Variants in EYS observed in about 807,000 individuals in gnomAD.
EYS encodes the protein EGF-like photoreceptor maintenance factor.
EYS carries 250 observed loss-of-function variants against 282.1 expected under a neutral mutation model. That is an observed-to-expected ratio of 0.89 (90% CI 0.80 to 0.98). The LOEUF is 0.98. EYS is among the 50% of genes least tolerant of loss of function. The pLI is 0.00. For synonymous variants in EYS, 1,355 were observed against 1,282.9 expected (o/e 1.06, Z -1.20); for missense variants, 4,016 against 3,709.0 (o/e 1.08, Z -2.15).
chr6:64,099,576 T>C (rs1014070426), intron 31 of EYS, among the ~76,000 whole-genome samples: 1 of 152,212 alleles, frequency 6.6e-6, no homozygotes, highest in African/African-American at 2.4e-5. Flanking sequence ...GTTGATGATA[T>C]CTTGTTGACA....
At chr6:65,375,716 G>A (rs759314395) in intron 8 of EYS, among the ~76,000 whole-genome samples, 3 of 151,998 alleles carry the variant, frequency 2.0e-5, no homozygotes, top group Non-Finnish European at 2.9e-5. Flanking sequence ...CACAGCATGA[G>A]AACTTTGTGA....
intron 30 of EYS, among the ~76,000 whole-genome samples, chr6:64,272,222 C>T (rs1767965949): frequency 1.3e-5 from 2 of 152,108 alleles, no homozygotes; most frequent in Non-Finnish European, 2.9e-5. Context: ...GGTCTTGACT[C>T]TATACAATTT....
chr6:64,518,638 A>T (rs1036059211), intron 26 of EYS, among the ~76,000 whole-genome samples: 1 of 151,552 alleles, frequency 6.6e-6, no homozygotes, highest in Non-Finnish European at 1.5e-5. Context: ...TCCCCACCGA[A>T]ATCTCATCTT....
chr6:63,974,071 C>T (rs1191247849), intron 35 of EYS, among the ~76,000 whole-genome samples: 1 of 151,994 alleles, frequency 6.6e-6, no homozygotes, highest in Admixed American at 6.6e-5. Context: ...ATTGTAAACC[C>T]AAAGCCAAAG....
chr6:64,756,324 G>A (rs75699340), intron 22 of EYS, among the ~76,000 whole-genome samples: 2,800 of 152,210 alleles, frequency 0.018, 80 homozygotes, highest in African/African-American at 0.061. Context: ...TCCATTTAAT[G>A]TAAGTTTGTA....
intron 22 of EYS, among the ~76,000 whole-genome samples, chr6:64,677,558 G>T (rs1309117811): frequency 6.6e-6 from 1 of 152,050 alleles, no homozygotes; most frequent in Admixed American, 6.6e-5. Context: ...AAATTTGACT[G>T]ATGATTTAAG....
intron 8 of EYS, among the ~76,000 whole-genome samples, chr6:65,356,652 A>C (rs1764497514): frequency 6.6e-6 from 1 of 152,074 alleles, no homozygotes. Context: ...GACACTATGA[A>C]GATATTATAA....
At chr6:64,370,241 T>C (rs1772318242) in intron 29 of EYS, among the ~76,000 whole-genome samples, 3 of 152,170 alleles carry the variant, frequency 2.0e-5, no homozygotes, top group African/African-American at 7.2e-5. Context: ...TGAAGGGATG[T>C]GGATTTTATT....
intron 29 of EYS, 76 bp downstream of exon 29, chr6:64,388,612 TTC>T: frequency 7.6e-7 from 1 of 1,319,810 alleles, no homozygotes; most frequent in Non-Finnish European, 1.0e-6. Flanking sequence ...TCTAAAGTTT[TTC>T]TTTTTCATTT....
intron 13 of EYS, among the ~76,000 whole-genome samples, chr6:65,051,882 T>G (rs1049926564): frequency 1.3e-5 from 2 of 151,390 alleles, no homozygotes; most frequent in Non-Finnish European, 3.0e-5. Flanking sequence ...ATAGGCAATA[T>G]TAATATTAAT....
Position 64,360,455 on chromosome 6 carries a change from T to C in EYS, c.6078+28235A>G, listed in dbSNP as rs146936128. Among the ~76,000 whole-genome samples the C allele has an allele frequency of 3.9e-3, 592 of 151,850 alleles. 4 individuals are homozygous for C. Among genetic ancestry groups the C allele is most frequent in the African/African-American group, 0.013 (558 of 41,514 alleles). ...GTGCCGCTATGTCATTATCATGACC[T>C]ACCTCTTGGGCTAGACCTTCTTGGT... On this transcript the variant is annotated intron_variant, in intron 29 of 42. Transcript: ENST00000503581.
chr6:64,537,869 G>T (rs1328625352), intron 26 of EYS, among the ~76,000 whole-genome samples: 3 of 152,186 alleles, frequency 2.0e-5, no homozygotes, highest in African/African-American at 7.2e-5. Flanking sequence ...TCAAATAGGA[G>T]TTTAGCTAAC....
intron 21 of EYS, among the ~76,000 whole-genome samples, chr6:64,814,945 T>C (rs1387288932): frequency 6.6e-6 from 1 of 151,980 alleles, no homozygotes; most frequent in Non-Finnish European, 1.5e-5. Flanking sequence ...TAGTGACTTT[T>C]TAAAAAAGTA....
chr6:63,894,185 T>G (rs1215686712), intron 35 of EYS, among the ~76,000 whole-genome samples: 1 of 152,212 alleles, frequency 6.6e-6, no homozygotes, highest in East Asian at 1.9e-4. Flanking sequence ...GATTGAATAT[T>G]ATCCCCCAAA....
chr6:64,137,540 A>G (rs1028554736), intron 31 of EYS, among the ~76,000 whole-genome samples: 1 of 152,168 alleles, frequency 6.6e-6, no homozygotes, highest in Non-Finnish European at 1.5e-5. Context: ...CTTAGAGGCC[A>G]TAATAATAGG....
chr6:64,808,726 C>G (rs184664650), intron 22 of EYS, among the ~76,000 whole-genome samples: 1 of 152,066 alleles, frequency 6.6e-6, no homozygotes, highest in East Asian at 1.9e-4. Flanking sequence ...AAAGAATCTA[C>G]CTATCTTTCA....
At chr6:64,854,884 A>G (rs1766005097) in intron 19 of EYS, among the ~76,000 whole-genome samples, 1 of 151,978 alleles carries the variant, frequency 6.6e-6, no homozygotes, top group Non-Finnish European at 1.5e-5. Flanking sequence ...TTGTGAAGTG[A>G]TAGTCTGATG....
At chr6:65,675,255 T>C (rs572149509) in intron 1 of EYS, among the ~76,000 whole-genome samples, 1 of 151,866 alleles carries the variant, frequency 6.6e-6, no homozygotes, top group East Asian at 1.9e-4. Flanking sequence ...AATAAGTCTT[T>C]ATCAATAAAT....
intron 22 of EYS, among the ~76,000 whole-genome samples, chr6:64,649,473 G>T (rs180773455): frequency 1.1e-4 from 16 of 152,058 alleles, no homozygotes; most frequent in African/African-American, 3.6e-4. Context: ...CTGAGTAGCT[G>T]GGACTACAGG....
Sources: gnomAD v4.1 joint callset for allele counts (sites outside exome capture counted in the v4.1 genomes callset) on GRCh38, gnomAD v4.1.1 for gene constraint, MANE v1.5 for transcripts, NCBI Gene and HGNC (gene_info 2026-07-23, HGNC 2026-07-21) for gene names.